The following THADA variants were observed in gnomAD, a reference collection of about 807,000 sequenced individuals.
THADA encodes tRNA (32-2'-O)-methyltransferase regulator THADA.
A neutral mutation model predicts 219.8 loss-of-function variants in THADA; 213 were observed. That is an observed-to-expected ratio of 0.97 (90% CI 0.87 to 1.09). The LOEUF (loss-of-function observed/expected upper bound fraction) is 1.09. Among genes scored for constraint, THADA ranks in the 50% least tolerant of loss-of-function variants. The pLI, the probability that THADA is intolerant of heterozygous loss-of-function variation, is 0.00. For missense variants in THADA, 2,956 were observed against 2,311.3 expected, an observed-to-expected ratio of 1.28 and a Z score of -5.72; for synonymous variants, 1,018 against 828.9, an observed-to-expected ratio of 1.23 and a Z score of -3.92.
intron 28 of THADA, among the ~76,000 whole-genome samples, chr2:43,401,809 G>A (rs558954516): frequency 3.3e-5 from 5 of 152,300 alleles, no homozygotes; most frequent in African/African-American, 1.2e-4. Flanking sequence ...GTGATCCAGA[G>A]CTCTCTGGCT....
At chr2:43,579,762 C>G (rs995240033) in intron 8 of THADA, among the ~76,000 whole-genome samples, 1 of 152,170 alleles carries the variant, frequency 6.6e-6, no homozygotes, top group Admixed American at 6.6e-5. Context: ...GGAGCTACAG[C>G]AGTCATATGG....
intron 31 of THADA, among the ~76,000 whole-genome samples, chr2:43,306,444 G>A (rs943684881): frequency 6.6e-6 from 1 of 152,044 alleles, no homozygotes; most frequent in Non-Finnish European, 1.5e-5. Flanking sequence ...TTAGTCCATG[G>A]GATACTGCAA....
At chr2:43,500,074 A>C (rs559839133) in intron 24 of THADA, among the ~76,000 whole-genome samples, 3 of 152,292 alleles carry the variant, frequency 2.0e-5, no homozygotes, top group East Asian at 3.9e-4. Context: ...AAATATTATC[A>C]AAGAGTTTGA....
At chr2:43,504,835 G>C (rs528092499) in intron 24 of THADA, among the ~76,000 whole-genome samples, 3 of 152,164 alleles carry the variant, frequency 2.0e-5, no homozygotes, top group Non-Finnish European at 2.9e-5. Context: ...AGTGAGCCAC[G>C]ATCGCACCAC....
Position 43,574,826 on chromosome 2 carries a change from G to A in THADA, c.1239C>T (p.Ile413=). The part of the protein sequence containing the change: ...PLDALRHQTK[I]MFKNLLQMHR... ...GCATTTGGAGAAGGTTTTTGAACAT[G>A]ATTTTGGTTTGGTGTCTCAGAGCAT... Residue 413 remains isoleucine, a synonymous_variant, in exon 11 of 38, where the codon ATC becomes ATT. Coordinates refer to ENST00000405975, the MANE Select transcript of THADA (RefSeq NM_022065.5). 1 of 1,613,990 alleles carries A rather than the reference G, an allele frequency of 6.2e-7. No individual in the cohort carries two copies. The highest frequency in any genetic ancestry group is 8.5e-7 in the Non-Finnish European group (1 of 1,179,888).
intron 36 of THADA, among the ~76,000 whole-genome samples, chr2:43,257,928 G>A (rs1211587466): frequency 1.3e-5 from 2 of 152,222 alleles, no homozygotes; most frequent in Non-Finnish European, 2.9e-5. Flanking sequence ...AGAGAAGCCA[G>A]TGGGAGGAAG....
chr2:43,245,172 C>CTTTTTTTTTTTTTTTTTTTTTTTTT lies in THADA; in HGVS notation c.5297-12291_5297-12290insAAAAAAAAAAAAAAAAAAAAAAAAA, dbSNP rs200036949. On this transcript the variant is annotated intron_variant, in intron 36 of 37. Coordinates refer to ENST00000405975, the MANE Select transcript of THADA (RefSeq NM_022065.5). The stretch of plus-strand genomic sequence containing the variant: ...TACTGGAGCTTCTTTCTTTCTTCTT[C>CTTTTTTTTTTTTTTTTTTTTTTTTT]TTTTTTTTTTTTTTTTTTGAGACGG... 1.6e-4 allele frequency among the ~76,000 whole-genome samples: 16 copies of CTTTTTTTTTTTTTTTTTTTTTTTTT among 103,144 alleles called. 2 individuals are homozygous for CTTTTTTTTTTTTTTTTTTTTTTTTT. Among genetic ancestry groups the CTTTTTTTTTTTTTTTTTTTTTTTTT allele is most frequent in the African/African-American group, 4.0e-4 (8 of 20,008 alleles). 67.7% of individuals were successfully genotyped at this position (103,144 alleles called of 152,430 possible).
chr2:43,353,715 G>A (rs1375133206), intron 29 of THADA, among the ~76,000 whole-genome samples: 1 of 152,106 alleles, frequency 6.6e-6, no homozygotes, highest in African/African-American at 2.4e-5. Flanking sequence ...GAGTGTGGTG[G>A]CACAATCTTG....
intron 20 of THADA, among the ~76,000 whole-genome samples, chr2:43,543,247 G>A (rs1227992199): frequency 7.6e-6 from 1 of 131,924 alleles, no homozygotes; most frequent in Non-Finnish European, 1.6e-5. Context: ...GTGTATATAT[G>A]CCACATTTTC....
At chr2:43,353,051 T>G (rs1315694408) in intron 29 of THADA, among the ~76,000 whole-genome samples, 1 of 152,200 alleles carries the variant, frequency 6.6e-6, no homozygotes. Context: ...TCCTGGTCCA[T>G]TCATGTAGCA....
intron 22 of THADA, among the ~76,000 whole-genome samples, chr2:43,509,548 G>T (rs992929480): frequency 1.3e-5 from 2 of 152,066 alleles, no homozygotes; most frequent in Non-Finnish European, 2.9e-5. Context: ...AAGTCCAAAG[G>T]AAAAACACTC....
intron 21 of THADA, among the ~76,000 whole-genome samples, chr2:43,530,179 C>T (rs528412045): frequency 2.0e-4 from 31 of 151,994 alleles, no homozygotes; most frequent in Admixed American, 9.2e-4. Context: ...TCTTTAGTAT[C>T]CCAAAGAGTG....
chr2:43,365,826 G>C (rs1670079219), intron 29 of THADA, among the ~76,000 whole-genome samples: 1 of 152,172 alleles, frequency 6.6e-6, no homozygotes, highest in Non-Finnish European at 1.5e-5. Context: ...GGCCAGGACT[G>C]TGGATAGGCC....
chr2:43,293,011 C>A lies in THADA; in HGVS notation c.4641G>T (p.Gln1547His). The A allele has an allele frequency of 6.2e-7, 1 of 1,613,972 alleles. No individual in the cohort carries two copies. Among genetic ancestry groups the A allele is most frequent in the African/African-American group, 1.3e-5 (1 of 75,028 alleles). Residue 1547 changes from glutamine to histidine, a missense_variant, in exon 32 of 38, where the codon CAG becomes CAT. Gln to His is a conservative substitution (Grantham distance 24). Transcript: ENST00000405975. The stretch of plus-strand genomic sequence containing the variant: ...CTTCAGGGAAGGCAGATTCTAACAG[C>A]TGAGAGAAAGAGATGGGGACATTCG... ...RETNVPISFS[Q>H]LLESAFPEVR... is the part of the protein sequence containing the mutation.
intron 26 of THADA, among the ~76,000 whole-genome samples, chr2:43,476,113 T>G (rs770019551): frequency 6.6e-6 from 1 of 152,164 alleles, no homozygotes; most frequent in Non-Finnish European, 1.5e-5. Flanking sequence ...AGTCTAATTA[T>G]AGTGGATCTA....
intron 11 of THADA, 82 bp downstream of exon 11, chr2:43,574,254 G>T: frequency 1.1e-6 from 1 of 930,530 alleles, no homozygotes; most frequent in South Asian, 1.9e-5. Context: ...ATTTAAATTT[G>T]AATATGATTA....
intron 29 of THADA, among the ~76,000 whole-genome samples, chr2:43,351,916 A>T (rs1038973026): frequency 7.9e-5 from 12 of 152,244 alleles, no homozygotes; most frequent in African/African-American, 2.9e-4. Context: ...AGGGCCCCCA[A>T]CAAGGGCCCC....
At chr2:43,591,342 A>T (rs989494189) in intron 3 of THADA, among the ~76,000 whole-genome samples, 1 of 152,150 alleles carries the variant, frequency 6.6e-6, no homozygotes, top group Non-Finnish European at 1.5e-5. Context: ...TAAATAAAAC[A>T]AAGTGTCAAT....
intron 22 of THADA, among the ~76,000 whole-genome samples, chr2:43,514,958 A>T (rs1192066271): frequency 3.2e-5 from 2 of 61,954 alleles, no homozygotes; most frequent in East Asian, 5.4e-4. Context: ...ATAATATATA[A>T]TATTTTATAT....
Sources: gnomAD v4.1 joint callset for allele counts (sites outside exome capture counted in the v4.1 genomes callset) on GRCh38, gnomAD v4.1.1 for gene constraint, MANE v1.5 for transcripts, NCBI Gene and HGNC (gene_info 2026-07-23, HGNC 2026-07-21) for gene names.